PATJ: variants seen among roughly 807,000 people sequenced by gnomAD.
PATJ encodes PATJ crumbs cell polarity complex component.
PATJ carries 190 observed loss-of-function variants against 224.9 expected under a neutral mutation model. The ratio of observed to expected loss-of-function variants is 0.84; its 90% CI spans 0.75 to 0.95. PATJ has a LOEUF of 0.95. Ranked by LOEUF, PATJ falls within the 40% of genes least tolerant of loss-of-function variation. The pLI, the probability that PATJ is intolerant of heterozygous loss-of-function variation, is 0.00. For missense variants in PATJ, 2,121 were observed against 2,270.3 expected (o/e 0.93, Z 1.34); for synonymous variants, 769 against 820.3 (o/e 0.94, Z 1.07).
chr1:62,011,059 T>C (rs2148326328), intron 28 of PATJ, among the ~76,000 whole-genome samples: 1 of 152,360 alleles, frequency 6.6e-6, no homozygotes, highest in South Asian at 2.1e-4. Context: ...AGGCTTTTGC[T>C]TAAGAGAATG....
chr1:61,888,943 C>G (rs1481126867), intron 22 of PATJ, among the ~76,000 whole-genome samples: 1 of 152,124 alleles, frequency 6.6e-6, no homozygotes, highest in Non-Finnish European at 1.5e-5. Context: ...TTTTGGCTTG[C>G]TATTGGAGAT....
intron 29 of PATJ, among the ~76,000 whole-genome samples, chr1:62,021,776 C>G (rs916030167): frequency 6.6e-6 from 1 of 151,994 alleles, no homozygotes; most frequent in Non-Finnish European, 1.5e-5. Flanking sequence ...AGAATCAAAT[C>G]CTGAAGAAGT....
At chr1:61,850,338 A>G (rs567374222) in intron 17 of PATJ, among the ~76,000 whole-genome samples, 243 of 152,360 alleles carry the variant, frequency 1.6e-3, no homozygotes, top group African/African-American at 5.4e-3. Flanking sequence ...TTTGGGCATA[A>G]TGATTATCAC....
At chr1:61,852,840 G>T (rs1369947414) in intron 17 of PATJ, among the ~76,000 whole-genome samples, 1 of 152,146 alleles carries the variant, frequency 6.6e-6, no homozygotes, top group East Asian at 1.9e-4. Flanking sequence ...CCATAGGGTG[G>T]CTGCTGCATG....
intron 28 of PATJ, among the ~76,000 whole-genome samples, chr1:61,997,087 A>C (rs557737339): frequency 2.1e-5 from 3 of 143,640 alleles, no homozygotes; most frequent in Admixed American, 2.0e-4. Context: ...AAATTGATCA[A>C]GTGTTCGATT....
At chr1:61,990,707 T>TA (rs1248224096) in intron 28 of PATJ, among the ~76,000 whole-genome samples, 1 of 152,184 alleles carries the variant, frequency 6.6e-6, no homozygotes, top group East Asian at 1.9e-4. Context: ...CTTTGGGTTT[T>TA]AAATTAGTCA....
chr1:61,927,647 C>G (rs1247970313), intron 26 of PATJ, 83 bp from the exon 27 acceptor site: 3 of 846,344 alleles, frequency 3.5e-6, no homozygotes, highest in Non-Finnish European at 5.7e-6. Flanking sequence ...TATTTCCAGA[C>G]TATCTTTTTA....
At chr1:61,767,923 G>A (rs964064647) in intron 4 of PATJ, among the ~76,000 whole-genome samples, 4 of 151,490 alleles carry the variant, frequency 2.6e-5, no homozygotes, top group African/African-American at 7.3e-5. Flanking sequence ...CTCCCGCCTC[G>A]GCCTCTCAAA....
intron 4 of PATJ, among the ~76,000 whole-genome samples, chr1:61,766,818 C>A (rs951007533): frequency 6.6e-6 from 1 of 152,098 alleles, no homozygotes; most frequent in African/African-American, 2.4e-5. Flanking sequence ...TTTGGCCAAG[C>A]GCAGTGGTTC....
chr1:61,758,081 C>T lies in PATJ; in HGVS notation c.-35-4777C>T, dbSNP rs1038076386. Reference sequence around the variant, plus strand: ...TTGGATTAACTTCTCTGTGTTAATGCAAAGGGTTGGATTGTCAAAGCATCT... The same window carrying T: ...TTGGATTAACTTCTCTGTGTTAATGTAAAGGGTTGGATTGTCAAAGCATCT... On this transcript the variant is annotated intron_variant, in intron 1 of 43. Coordinates refer to ENST00000642238, the MANE Select transcript of PATJ (RefSeq NM_001350145.3). Among the ~76,000 whole-genome samples the T allele has an allele frequency of 2.0e-5, 3 of 152,264 alleles. 1 individual carries two copies. In the East Asian group the frequency reaches 5.8e-4, roughly 29 times the overall value.
intron 10 of PATJ, among the ~76,000 whole-genome samples, chr1:61,796,811 T>C (rs1298524057): frequency 6.8e-6 from 1 of 146,584 alleles, no homozygotes. Context: ...TCCTTCCTTC[T>C]CCTTCCTTCC....
chr1:61,745,420 T>C (rs1644970928), intron 1 of PATJ, among the ~76,000 whole-genome samples: 1 of 151,744 alleles, frequency 6.6e-6, no homozygotes, highest in African/African-American at 2.4e-5. Flanking sequence ...ATTACAGACA[T>C]GTGCCACCAT....
chr1:61,809,490 C>T (rs1483590694), intron 14 of PATJ, among the ~76,000 whole-genome samples: 1 of 151,258 alleles, frequency 6.6e-6, no homozygotes, highest in Non-Finnish European at 1.5e-5. Context: ...CGGGTTCAAG[C>T]GATTCTCCTG....
intron 31 of PATJ, among the ~76,000 whole-genome samples, chr1:62,069,635 G>GA: frequency 6.6e-6 from 1 of 152,070 alleles, no homozygotes; most frequent in Non-Finnish European, 1.5e-5. Context: ...TTGAGGACAA[G>GA]AAAAAAGGAA....
chr1:61,848,782 G>GATTAATTTAGCTGTTA (rs1319512680), intron 17 of PATJ, among the ~76,000 whole-genome samples: 8 of 152,104 alleles, frequency 5.3e-5, no homozygotes, highest in Non-Finnish European at 8.8e-5. Flanking sequence ...TTGCTTTGAA[G>GATTAATTTAGCTGTTA]ATTAATTTAG....
intron 40 of PATJ, chr1:62,128,521 C>A: frequency 6.7e-6 from 2 of 297,742 alleles, no homozygotes; most frequent in Non-Finnish European, 1.3e-5. Context: ...CTCATTAGAA[C>A]TTTATTGAAC....
At chr1:61,867,834 T>G (rs2148973451) in intron 20 of PATJ, among the ~76,000 whole-genome samples, 1 of 152,318 alleles carries the variant, frequency 6.6e-6, no homozygotes, top group Non-Finnish European at 1.5e-5. Context: ...ACCCTTGTGA[T>G]AATTTATCTA....
rs1440132611 is a variant in PATJ at position 61,969,936 on chromosome 1, C to T, written c.3671-20232C>T. ...CTCGAACTCCTGACCTCAAGTGATCCGCCCGCCTCGGCCTCCCAAAGTGCT... is the reference window on the plus strand; with the variant it reads ...CTCGAACTCCTGACCTCAAGTGATCTGCCCGCCTCGGCCTCCCAAAGTGCT... On this transcript the variant is annotated intron_variant, in intron 27 of 43. Coordinates refer to ENST00000642238, the MANE Select transcript of PATJ (RefSeq NM_001350145.3). 2.6e-5 allele frequency among the ~76,000 whole-genome samples: 4 copies of T among 152,012 alleles called. No homozygotes were observed. In the East Asian group the frequency reaches 5.8e-4, roughly 22 times the overall value.
chr1:61,904,425 C>T lies in PATJ; in HGVS notation c.3381+2966C>T, dbSNP rs375432214. ...CCAAGAAATTGACATTGGCTCAATC[C>T]GTAGTTTATTCAGATTTCACCAGTT... On this transcript the variant is annotated intron_variant, in intron 24 of 43. Transcript: ENST00000642238. Among the ~76,000 whole-genome samples the T allele has an allele frequency of 3.3e-5, 5 of 152,180 alleles. No individual in the cohort carries two copies. The East Asian group carries it at 7.7e-4, about 24-fold the overall frequency.
Sources: allele counts gnomAD v4.1 joint callset (sites outside exome capture counted in the v4.1 genomes callset), GRCh38; gene constraint gnomAD v4.1.1; transcripts MANE v1.5; gene names NCBI Gene and HGNC (gene_info 2026-07-23, HGNC 2026-07-21).